TTLL9: variants seen among roughly 807,000 people sequenced by gnomAD.
TTLL9 encodes the protein tubulin tyrosine ligase like 9.
A neutral mutation model predicts 65.6 loss-of-function variants in TTLL9; 47 were observed. The ratio of observed to expected loss-of-function variants is 0.72; its 90% confidence interval spans 0.57 to 0.91. The LOEUF (loss-of-function observed/expected upper bound fraction) is 0.91. TTLL9 is among the 40% of genes least tolerant of loss of function. TTLL9 has a pLI of 0.00. For synonymous variants in TTLL9, 179 were observed against 204.8 expected (o/e 0.87, Z 1.07); for missense variants, 537 against 568.8 (o/e 0.94, Z 0.57).
chr20:31,914,430 T>G (rs1016088874), intron 6 of TTLL9, among the ~76,000 whole-genome samples: 1 of 152,174 alleles, frequency 6.6e-6, no homozygotes, highest in Non-Finnish European at 1.5e-5. Context: ...CTTAATGAGT[T>G]TGGAGATAAG....
At chr20:31,912,603 ATGTGTGTGTGTGTGTGTGTG>A (rs61107814) in intron 6 of TTLL9, among the ~76,000 whole-genome samples, 3 of 141,008 alleles carry the variant, frequency 2.1e-5, no homozygotes, top group African/African-American at 2.6e-5. Flanking sequence ...GTGTATGTGT[ATGTGTGTGTGTGTGTGTGTG>A]TGTGTGTGTG....
chr20:31,943,332 A>C lies in TTLL9; in HGVS notation c.*311A>C, dbSNP rs545690357. 2.9e-4 allele frequency: 124 copies of C among 424,472 alleles called. No homozygotes were observed. The highest frequency in any genetic ancestry group is 5.1e-4 in the Non-Finnish European group (115 of 226,672). The allele number at this position is 424,472 out of a possible 1,614,324, so 26.3% of individuals were successfully genotyped here. ...CAAGTTCTGCTACCCCCAGGAGATC[A>C]TATCTAATAAATGAGCACAGGCCCT... On this transcript the variant is annotated 3_prime_UTR_variant, in exon 15 of 15. Transcript: ENST00000535842.
Position 31,933,811 on chromosome 20 carries a change from A to G in TTLL9, c.760A>G (p.Thr254Ala), listed in dbSNP as rs1401469587. The G allele has an allele frequency of 9.3e-6, 15 of 1,614,008 alleles. No individual in the cohort carries two copies. Among genetic ancestry groups the G allele is most frequent in the Non-Finnish European group, 1.3e-5 (15 of 1,179,926 alleles). Residue 254 changes from threonine to alanine, a missense_variant, in exon 11 of 15, where the codon ACC becomes GCC. Physicochemically the swap from Thr to Ala is moderately conservative, Grantham distance 58. This residue lies in a region of TTLL9 where 12 missense variants were observed against 32.0 expected (regional missense o/e 0.37). Transcript: ENST00000535842. ...SGHRRQDVHL[T>A]NVAVQKTSPD... is the part of the protein sequence containing the mutation. ...CCACCCTCTCCCAGATGTTCACCTC[A>G]CCAACGTGGCTGTGCAAAAAACATC...
At chr20:31,913,365 T>C (rs560305081) in intron 6 of TTLL9, among the ~76,000 whole-genome samples, 2 of 152,218 alleles carry the variant, frequency 1.3e-5, no homozygotes, top group African/African-American at 4.8e-5. Context: ...CGGGACCTTA[T>C]TTGGATTCCT....
intron 2 of TTLL9, among the ~76,000 whole-genome samples, chr20:31,877,857 TA>T (rs2063058172): frequency 6.6e-6 from 1 of 152,228 alleles, no homozygotes; most frequent in Admixed American, 6.5e-5. Flanking sequence ...TTGGGGAAAA[TA>T]CACATCTTTC....
At chr20:31,888,752 C>T (rs1029981452) in intron 3 of TTLL9, among the ~76,000 whole-genome samples, 2 of 152,096 alleles carry the variant, frequency 1.3e-5, no homozygotes, top group African/African-American at 2.4e-5. Context: ...AGGGAGCTTA[C>T]AATCATGGTG....
At chr20:31,904,523 A>T (rs2063523841) in intron 4 of TTLL9, among the ~76,000 whole-genome samples, 1 of 151,338 alleles carries the variant, frequency 6.6e-6, no homozygotes, top group South Asian at 2.1e-4. Context: ...ATGCCTGGCT[A>T]ATTTTTGTAT....
chr20:31,894,871 C>T (rs770319444), intron 3 of TTLL9, among the ~76,000 whole-genome samples: 4 of 152,108 alleles, frequency 2.6e-5, no homozygotes, highest in South Asian at 2.1e-4. Context: ...AATTAAATTG[C>T]GTGTACTCCA....
chr20:31,918,698 ACT>A (rs2063773033), intron 6 of TTLL9, among the ~76,000 whole-genome samples: 1 of 152,224 alleles, frequency 6.6e-6, no homozygotes, highest in Non-Finnish European at 1.5e-5. Flanking sequence ...GTATGTTTAC[ACT>A]GGTAATCTTC....
Position 31,908,694 on chromosome 20 carries a change from C to T in TTLL9, c.310C>T (p.His104Tyr), listed in dbSNP as rs2063597325. The T allele has an allele frequency of 3.7e-6, 6 of 1,613,838 alleles. No individual in the cohort carries two copies. The highest frequency in any genetic ancestry group is 5.1e-6 in the Non-Finnish European group (6 of 1,179,752). Residue 104 changes from histidine to tyrosine, a missense_variant, in exon 5 of 15, where the codon CAC (histidine) becomes TAC (tyrosine). Physicochemically the swap from His to Tyr is moderately conservative, Grantham distance 83. This residue lies in a region of TTLL9 where 320 missense variants were observed against 311.0 expected (regional missense o/e 1.03). Coordinates refer to ENST00000535842, the MANE Select transcript of TTLL9 (RefSeq NM_001008409.5). ...TGTGCGGATCAGTCACTTCCGGAAC[C>T]ACTATGAGGTGAGCTGGGCAGGCGG... The part of the protein sequence containing the change: ...EHVRISHFRN[H>Y]YELTRKNYMV...
chr20:31,873,823 A>AG (rs1389668954), intron 2 of TTLL9, among the ~76,000 whole-genome samples: 43 of 29,978 alleles, frequency 1.4e-3, no homozygotes, highest in Middle Eastern at 0.017. Flanking sequence ...GAAGGAAGGA[A>AG]GAAAGAAAGA....
At chr20:31,909,987 G>T in intron 6 of TTLL9, 65 bp downstream of exon 6, 1 of 1,506,796 alleles carries the variant, frequency 6.6e-7, no homozygotes, top group Non-Finnish European at 9.1e-7. Context: ...GCAGGGATCA[G>T]GTGCAGACAC....
intron 14 of TTLL9, among the ~76,000 whole-genome samples, chr20:31,942,654 T>G (rs2064231705): frequency 1.3e-5 from 2 of 152,330 alleles, no homozygotes; most frequent in South Asian, 4.1e-4. Context: ...TCCATCCACA[T>G]TCAGCATCTG....
intron 10 of TTLL9, 51 bp downstream of exon 10, chr20:31,926,142 G>T: frequency 7.5e-7 from 1 of 1,342,146 alleles, no homozygotes; most frequent in Non-Finnish European, 1.1e-6. Flanking sequence ...GTTTTGTGGG[G>T]GTGATTCCAT....
chr20:31,876,531 G>C (rs1432175054), intron 2 of TTLL9, among the ~76,000 whole-genome samples: 1 of 152,144 alleles, frequency 6.6e-6, no homozygotes, highest in African/African-American at 2.4e-5. Context: ...AGTATTTTCT[G>C]CTGTTATCAA....
intron 3 of TTLL9, among the ~76,000 whole-genome samples, chr20:31,897,965 A>G (rs1479856384): frequency 6.6e-6 from 1 of 152,028 alleles, no homozygotes; most frequent in Non-Finnish European, 1.5e-5. Flanking sequence ...TTTCATCTCC[A>G]TATCTGAACT....
intron 3 of TTLL9, among the ~76,000 whole-genome samples, chr20:31,889,786 T>TCTCCA (rs1392072164): frequency 6.6e-6 from 1 of 151,250 alleles, no homozygotes; most frequent in East Asian, 1.9e-4. Flanking sequence ...CCCAGGCTGG[T>TCTCCA]CTCCAACACC....
intron 2 of TTLL9, chr20:31,879,848 T>TCGC (rs1444583520): frequency 1.3e-6 from 2 of 1,549,844 alleles, no homozygotes; most frequent in Non-Finnish European, 1.7e-6. Flanking sequence ...AGGCGCGCGG[T>TCGC]GGCGGTTTGG....
At chr20:31,905,675 T>C (rs759768285) in intron 4 of TTLL9, among the ~76,000 whole-genome samples, 10 of 152,062 alleles carry the variant, frequency 6.6e-5, no homozygotes, top group Non-Finnish European at 1.3e-4. Flanking sequence ...CTGCACATGG[T>C]GTGACATTCA....
Sources: allele counts gnomAD v4.1 joint callset (sites outside exome capture counted in the v4.1 genomes callset), GRCh38; gene constraint gnomAD v4.1.1; regional missense constraint gnomAD v4.1.1; transcripts MANE v1.5; gene names NCBI Gene and HGNC (gene_info 2026-07-23, HGNC 2026-07-21).